STK3: variants seen among roughly 807,000 people sequenced by gnomAD.
STK3 encodes serine/threonine-protein kinase 3.
STK3 carries 41 observed loss-of-function variants against 58.0 expected under a neutral mutation model. The observed-to-expected ratio is 0.71, with a 90% confidence interval of 0.55 to 0.92. The LOEUF (loss-of-function observed/expected upper bound fraction) is 0.92. Among genes scored for constraint, STK3 ranks in the 40% least tolerant of loss-of-function variants. STK3 has a pLI of 0.00. For missense variants in STK3, 479 were observed against 602.7 expected (o/e 0.79, Z 2.15); for synonymous variants, 170 against 191.0 (o/e 0.89, Z 0.91).
chr8:98,860,264 T>A (rs1163951104), intron 3 of STK3, among the ~76,000 whole-genome samples: 2 of 152,130 alleles, frequency 1.3e-5, no homozygotes, highest in African/African-American at 4.8e-5. Flanking sequence ...CAAATGGATG[T>A]GATGGAGTGG....
intron 3 of STK3, among the ~76,000 whole-genome samples, chr8:98,751,355 C>T (rs543940190): frequency 3.9e-5 from 6 of 152,274 alleles, no homozygotes; most frequent in African/African-American, 1.4e-4. Context: ...TCTAGAAAAC[C>T]CCATAGCCTC....
chr8:98,780,687 C>G (rs771200956), intron 1 of STK3, among the ~76,000 whole-genome samples: 4 of 151,254 alleles, frequency 2.6e-5, no homozygotes, highest in Non-Finnish European at 4.4e-5. Flanking sequence ...TGGAGGGGAA[C>G]AAGATGGGCT....
intron 9 of STK3, among the ~76,000 whole-genome samples, chr8:98,528,740 T>C (rs1586786384): frequency 6.6e-6 from 1 of 151,958 alleles, no homozygotes; most frequent in South Asian, 2.1e-4. Flanking sequence ...GGAGTACACC[T>C]CCCCACAAGG....
chr8:98,747,819 G>C (rs1829738226), intron 4 of STK3, among the ~76,000 whole-genome samples: 1 of 152,122 alleles, frequency 6.6e-6, no homozygotes, highest in African/African-American at 2.4e-5. Flanking sequence ...CCAGAACCCA[G>C]GGTACCTGTT....
intron 6 of STK3, among the ~76,000 whole-genome samples, chr8:98,674,403 CT>C (rs1823048651): frequency 6.6e-6 from 1 of 151,910 alleles, no homozygotes; most frequent in African/African-American, 2.4e-5. Context: ...GAGAAAACAT[CT>C]TCATAATGGG....
At chr8:98,415,399 C>T (rs112739840) in intron 3 of STK3, among the ~76,000 whole-genome samples, 8 of 152,158 alleles carry the variant, frequency 5.3e-5, no homozygotes, top group African/African-American at 9.7e-5. Context: ...TGATAGTAGT[C>T]GGCATTACTT....
intron 6 of STK3, chr8:98,633,862 C>T: frequency 2.5e-6 from 1 of 403,548 alleles, no homozygotes; most frequent in Non-Finnish European, 4.7e-6. Context: ...ATCAAAAAAC[C>T]CCAGGCCTGA....
chr8:98,833,977 A>G (rs1835647547), intron 3 of STK3, among the ~76,000 whole-genome samples: 1 of 148,420 alleles, frequency 6.7e-6, no homozygotes, highest in Non-Finnish European at 1.5e-5. Context: ...AAGAACTGAG[A>G]AAAAAAAAAC....
intron 6 of STK3, among the ~76,000 whole-genome samples, chr8:98,684,548 T>C (rs1823854774): frequency 6.6e-6 from 1 of 152,200 alleles, no homozygotes; most frequent in African/African-American, 2.4e-5. Context: ...AGCTAGTTCA[T>C]ATTTCTACAG....
At chr8:98,716,251 T>A (rs979819663) in intron 4 of STK3, among the ~76,000 whole-genome samples, 3 of 152,222 alleles carry the variant, frequency 2.0e-5, no homozygotes, top group Non-Finnish European at 4.4e-5. Flanking sequence ...AACCTGCATG[T>A]TGTGCACATG....
chr8:98,567,181 G>T (rs907778658), intron 8 of STK3, among the ~76,000 whole-genome samples: 43 of 152,068 alleles, frequency 2.8e-4, no homozygotes, highest in African/African-American at 1.0e-3. Flanking sequence ...AAGACACAGT[G>T]GTTAAGAAAA....
rs1475998285 is a variant in STK3, at chr8:98,722,541, T to G, written c.352-15230A>C. Among the ~76,000 whole-genome samples the G allele has an allele frequency of 4.3e-4, 65 of 152,176 alleles. 1 individual carries two copies. The highest frequency in any genetic ancestry group is 1.0e-4 in the Non-Finnish European group (7 of 67,992). ...TCATTTCATGTCATTTGGACATATG[T>G]TAACCTTTTTGTTATTAAAAAATAA... is the stretch of plus-strand genomic sequence containing the variant. On this transcript the variant is annotated intron_variant, in intron 4 of 10. Transcript: ENST00000419617.
chr8:98,668,529 T>TTAA (rs1346457142), intron 6 of STK3, among the ~76,000 whole-genome samples: 2 of 152,180 alleles, frequency 1.3e-5, no homozygotes, highest in Non-Finnish European at 2.9e-5. Flanking sequence ...AGTTTCAGTA[T>TTAA]TAATAGATAA....
intron 3 of STK3, among the ~76,000 whole-genome samples, chr8:98,872,142 C>T (rs1178620506): frequency 1.3e-5 from 2 of 152,086 alleles, no homozygotes; most frequent in Non-Finnish European, 2.9e-5. Flanking sequence ...TGATGGATTA[C>T]GTTTATTGAT....
intron 3 of STK3, among the ~76,000 whole-genome samples, chr8:98,876,207 C>T (rs1272776463): frequency 6.6e-6 from 1 of 152,154 alleles, no homozygotes; most frequent in African/African-American, 2.4e-5. Flanking sequence ...CTTGGATAAT[C>T]TAGCACGTTT....
At chr8:98,380,251 A>T (rs1037333128) in intron 1 of STK3, among the ~76,000 whole-genome samples, 1 of 152,220 alleles carries the variant, frequency 6.6e-6, no homozygotes, top group Non-Finnish European at 1.5e-5. Flanking sequence ...ACAATAATGT[A>T]TTGTACACTT....
intron 9 of STK3, among the ~76,000 whole-genome samples, chr8:98,542,088 T>C (rs949665335): frequency 2.0e-5 from 3 of 152,202 alleles, no homozygotes; most frequent in African/African-American, 7.2e-5. Flanking sequence ...TGCTATTTTA[T>C]AGGATCCTTG....
In STK3 at chr8:98,455,545, G is replaced by A; in HGVS notation, c.*297C>T. 2.7e-6 allele frequency: 1 copy of A among 367,226 alleles called. No homozygotes were observed. The allele number at this position is 367,226 out of a possible 1,614,324, so 22.7% of individuals were successfully genotyped here. ...GCTGTACAATGCAACAATAGCTTTGGATTTTCAAGGTTTAGAGACCTTGAA... is the reference window on the plus strand; with the variant it reads ...GCTGTACAATGCAACAATAGCTTTGAATTTTCAAGGTTTAGAGACCTTGAA... On this transcript the variant is annotated 3_prime_UTR_variant, in exon 11 of 11. Transcript: ENST00000419617.
intron 1 of STK3, among the ~76,000 whole-genome samples, chr8:98,788,624 G>GC (rs1832623995): frequency 6.6e-6 from 1 of 152,080 alleles, no homozygotes; most frequent in Non-Finnish European, 1.5e-5. Context: ...AGTAGGAATA[G>GC]CTATTCTTAT....
Sources: gnomAD v4.1 joint callset for allele counts (sites outside exome capture counted in the v4.1 genomes callset) on GRCh38, gnomAD v4.1.1 for gene constraint, MANE v1.5 for transcripts, NCBI Gene and HGNC (gene_info 2026-07-23, HGNC 2026-07-21) for gene names.